DOCK3: variants seen among roughly 807,000 people sequenced by gnomAD.
DOCK3 encodes dedicator of cytokinesis 3, also known as dedicator of cytokinesis protein 3.
DOCK3 carries 60 observed loss-of-function variants against 265.6 expected under a neutral mutation model. The observed-to-expected ratio is 0.23, with a 90% CI of 0.18 to 0.28. DOCK3 has a LOEUF of 0.28. Among genes scored for constraint, DOCK3 ranks in the 10% least tolerant of loss-of-function variants. The pLI is 1.00. For synonymous variants in DOCK3, 881 were observed against 938.0 expected (o/e 0.94, Z 1.11); for missense variants, 1,981 against 2,594.3 (o/e 0.76, Z 5.14).
chr3:50,827,860 T>C (rs571294569), intron 2 of DOCK3, among the ~76,000 whole-genome samples: 1 of 152,310 alleles, frequency 6.6e-6, no homozygotes, highest in East Asian at 1.9e-4. Context: ...AGCATTTTAA[T>C]GATTTCATTT....
intron 1 of DOCK3, among the ~76,000 whole-genome samples, chr3:50,720,319 C>G (rs1265985546): frequency 6.6e-6 from 1 of 152,100 alleles, no homozygotes; most frequent in Admixed American, 6.5e-5. Flanking sequence ...GCCCTAGAGT[C>G]TATTGTTCCC....
At chr3:50,874,531 A>C (rs974466463) in intron 3 of DOCK3, among the ~76,000 whole-genome samples, 19 of 123,528 alleles carry the variant, frequency 1.5e-4, no homozygotes, top group Admixed American at 4.2e-4. Context: ...AAAAAAAAAC[A>C]AAAAAAGTAT....
chr3:51,380,663 C>T (rs1385077340), intron 52 of DOCK3, among the ~76,000 whole-genome samples: 1 of 152,236 alleles, frequency 6.6e-6, no homozygotes, highest in Non-Finnish European at 1.5e-5. Flanking sequence ...AAGACTGAGT[C>T]TATCACAGAT....
intron 3 of DOCK3, among the ~76,000 whole-genome samples, chr3:50,850,883 C>T (rs771925578): frequency 7.2e-5 from 11 of 152,178 alleles, no homozygotes; most frequent in Non-Finnish European, 1.2e-4. Flanking sequence ...TGACTATGTA[C>T]TTGATCCTTG....
At chr3:51,090,526 C>A in intron 9 of DOCK3, 142 bp downstream of exon 9, 3 of 897,694 alleles carry the variant, frequency 3.3e-6, no homozygotes, top group South Asian at 2.5e-5. Flanking sequence ...GGAGTTTTGG[C>A]CCCAATTCCC....
rs1553847724 is a variant in DOCK3, at chr3:51,305,725, T to TGTGC, written c.2923-4504_2923-4503insCGTG. Among the ~76,000 whole-genome samples, 7 of 41,984 alleles carry TGTGC rather than the reference T, an allele frequency of 1.7e-4. No homozygotes were observed. In the East Asian group the frequency reaches 4.0e-3, roughly 24 times the overall value. 27.5% of individuals were successfully genotyped at this position (41,984 alleles called of 152,430 possible). On this transcript the variant is annotated intron_variant, in intron 27 of 52. Coordinates refer to ENST00000266037, the MANE Select transcript of DOCK3 (RefSeq NM_004947.5). The stretch of plus-strand genomic sequence containing the variant: ...CTCAGTGTGTGTGTGTCTGTGTGTG[T>TGTGC]GTGTGTGCGCGTGTGTGTGTGTGTG...
chr3:51,223,104 A>G (rs1055619500), intron 14 of DOCK3, among the ~76,000 whole-genome samples: 3 of 152,124 alleles, frequency 2.0e-5, no homozygotes. Flanking sequence ...ATGTTTAGCT[A>G]ATTTTAAAAA....
intron 17 of DOCK3, 114 bp downstream of exon 17, chr3:51,228,202 G>A: frequency 1.0e-6 from 1 of 992,972 alleles, no homozygotes; most frequent in African/African-American, 1.6e-5. Context: ...CAAGGGAAGT[G>A]CACTGGTGGG....
chr3:51,004,197 C>A (rs189177678), intron 5 of DOCK3, among the ~76,000 whole-genome samples: 4 of 152,068 alleles, frequency 2.6e-5, no homozygotes, highest in African/African-American at 9.6e-5. Flanking sequence ...TTCTTTCTTT[C>A]TCTCTCTTTC....
chr3:50,868,164 C>T (rs1678993638), intron 3 of DOCK3, among the ~76,000 whole-genome samples: 1 of 151,926 alleles, frequency 6.6e-6, no homozygotes, highest in South Asian at 2.1e-4. Context: ...ACCTCCACCT[C>T]CCAGGTTCAA....
At chr3:50,948,000 C>A (rs2076476043) in intron 5 of DOCK3, among the ~76,000 whole-genome samples, 1 of 146,200 alleles carries the variant, frequency 6.8e-6, no homozygotes, top group African/African-American at 2.5e-5. Context: ...GGACTGCAGG[C>A]ACCTGCCACC....
At chr3:51,305,722 G>C (rs7429664) in intron 27 of DOCK3, among the ~76,000 whole-genome samples, 4 of 48,828 alleles carry the variant, frequency 8.2e-5, no homozygotes, top group Admixed American at 4.8e-4. Context: ...GTGTCTGTGT[G>C]TGTGTGTGTG....
intron 27 of DOCK3, among the ~76,000 whole-genome samples, chr3:51,295,041 A>T (rs1024436076): frequency 1.3e-5 from 2 of 152,212 alleles, no homozygotes; most frequent in Non-Finnish European, 2.9e-5. Flanking sequence ...TAAAATAAAA[A>T]TTTTTTAAAT....
At chr3:51,186,708 T>A (rs532249908) in intron 12 of DOCK3, among the ~76,000 whole-genome samples, 1 of 152,296 alleles carries the variant, frequency 6.6e-6, no homozygotes, top group South Asian at 2.1e-4. Flanking sequence ...GCCCTGCATC[T>A]CAGCTGCTCC....
At chr3:51,014,457 G>C (rs931618545) in intron 5 of DOCK3, among the ~76,000 whole-genome samples, 1 of 152,068 alleles carries the variant, frequency 6.6e-6, no homozygotes, top group African/African-American at 2.4e-5. Flanking sequence ...GAATCTGTTT[G>C]ATCATATTAT....
At chr3:50,951,286 TGATG>T (rs947605274) in intron 5 of DOCK3, among the ~76,000 whole-genome samples, 1 of 152,214 alleles carries the variant, frequency 6.6e-6, no homozygotes, top group Non-Finnish European at 1.5e-5. Context: ...AGATAATAGT[TGATG>T]GATGTACAAA....
At chr3:51,249,464 C>T (rs1423397406) in intron 22 of DOCK3, among the ~76,000 whole-genome samples, 2 of 111,192 alleles carry the variant, frequency 1.8e-5, no homozygotes, top group East Asian at 2.8e-4. Context: ...AGTGAGGAGC[C>T]CCTCTGCCCA....
intron 2 of DOCK3, among the ~76,000 whole-genome samples, chr3:50,832,478 A>G (rs1302584402): frequency 1.3e-5 from 2 of 152,210 alleles, no homozygotes; most frequent in Non-Finnish European, 2.9e-5. Flanking sequence ...CAAAGGTCTA[A>G]TATCCAGAAT....
At chr3:50,934,192 A>G (rs1353022833) in intron 5 of DOCK3, 115 bp downstream of exon 5, 4 of 741,842 alleles carry the variant, frequency 5.4e-6, no homozygotes, top group Non-Finnish European at 8.4e-6. Context: ...TTTATCAAAC[A>G]TATGTTCTTA....
Sources: allele counts gnomAD v4.1 joint callset (sites outside exome capture counted in the v4.1 genomes callset), GRCh38; gene constraint gnomAD v4.1.1; transcripts MANE v1.5; gene names NCBI Gene and HGNC (gene_info 2026-07-23, HGNC 2026-07-21).